Variants in EBF1 observed in about 807,000 individuals in gnomAD.
EBF1 encodes the protein EBF transcription factor 1.
A neutral mutation model predicts 68.4 loss-of-function variants in EBF1; 10 were observed. The ratio of observed to expected loss-of-function variants is 0.15; its 90% CI spans 0.09 to 0.25. EBF1 has a LOEUF of 0.25. Ranked by LOEUF, EBF1 falls within the 10% of genes least tolerant of loss-of-function variation. The pLI is 1.00. For missense variants in EBF1, 509 were observed against 794.4 expected, an observed-to-expected ratio of 0.64 and a Z score of 4.32; for synonymous variants, 298 against 299.8, an observed-to-expected ratio of 0.99 and a Z score of 0.06.
At chr5:159,099,236 A>T in intron 1 of EBF1, 109 bp downstream of exon 1, 1 of 927,112 alleles carries the variant, frequency 1.1e-6, no homozygotes, top group Non-Finnish European at 1.4e-6. Flanking sequence ...CTGCGGACTC[A>T]CCCCGCCGCC....
At chr5:158,722,906 G>C (rs1762237628) in intron 11 of EBF1, among the ~76,000 whole-genome samples, 1 of 152,124 alleles carries the variant, frequency 6.6e-6, no homozygotes, top group South Asian at 2.1e-4. Flanking sequence ...AGGTAGAAAT[G>C]AGTTTGCCTC....
rs373978699 is a variant in EBF1 at position 159,030,580 on chromosome 5, G to A, written c.554+42816C>T. ...AGGGACAACAGGATCCGATCTGAGC[G>A]GAGGGCCAGGTGGGAAAGGCAGCCC... On this transcript the variant is annotated intron_variant, in intron 6 of 15. Transcript: ENST00000313708. Among the ~76,000 whole-genome samples the A allele has an allele frequency of 4.6e-5, 7 of 152,300 alleles. No homozygotes were observed. In the East Asian group the frequency reaches 7.7e-4, roughly 17 times the overall value.
intron 7 of EBF1, among the ~76,000 whole-genome samples, chr5:158,837,793 A>T (rs1169032578): frequency 6.6e-6 from 1 of 151,960 alleles, no homozygotes; most frequent in Non-Finnish European, 1.5e-5. Flanking sequence ...TCCATCCCAA[A>T]CTCTGCTGCC....
rs1191541930 is a variant in EBF1, at chr5:159,068,302, C to T, written c.554+5094G>A. 3.3e-5 allele frequency among the ~76,000 whole-genome samples: 5 copies of T among 151,840 alleles called. No homozygotes were observed. The East Asian group carries it at 9.6e-4, about 29-fold the overall frequency. On this transcript the variant is annotated intron_variant, in intron 6 of 15. Coordinates refer to ENST00000313708, the MANE Select transcript of EBF1 (RefSeq NM_024007.5). The stretch of plus-strand genomic sequence containing the variant: ...GGAAAGCCATTGATTGTTGAAAGGC[C>T]CAGATGCCTTTACAATCCTTGGCAA...
intron 11 of EBF1, among the ~76,000 whole-genome samples, chr5:158,717,392 C>T (rs1417417242): frequency 6.6e-6 from 1 of 152,084 alleles, no homozygotes; most frequent in Non-Finnish European, 1.5e-5. Flanking sequence ...TTCTTAAATT[C>T]TTATTTTTTG....
intron 6 of EBF1, among the ~76,000 whole-genome samples, chr5:159,041,021 A>G (rs1179022804): frequency 6.6e-6 from 1 of 152,230 alleles, no homozygotes; most frequent in African/African-American, 2.4e-5. Flanking sequence ...CTACATATCT[A>G]CAGAGGAACA....
At position 158,708,145 on chromosome 5, in the gene EBF1, G is replaced by A. The variant is rs770452195; in HGVS notation, c.1578C>T (p.Ser526=). ...TGCAGTTGGAGGGGAGGCTTGTGGA[G>A]GAGGCCATGGTGGGGCTGGATGGCA... is the stretch of plus-strand genomic sequence containing the variant. ...AIVPSSPTMA[S]STSLPSNCSS... The change falls in exon 15 of 16, where the codon TCC becomes TCT. Residue 526 remains serine (S), a synonymous_variant. Coordinates refer to ENST00000313708, the MANE Select transcript of EBF1 (RefSeq NM_024007.5). The A allele has an allele frequency of 2.5e-6, 4 of 1,586,744 alleles. No individual in the cohort carries two copies. The highest frequency in any genetic ancestry group is 2.3e-5 in the South Asian group (2 of 86,474).
chr5:159,058,738 A>G lies in EBF1; in HGVS notation c.554+14658T>C, dbSNP rs572327980. ...GTAGAGTTTGGGCTAATTTCTTAGTAATATTCAGCTGCAGCCACTTCCCTT... is the reference window on the plus strand; with the variant it reads ...GTAGAGTTTGGGCTAATTTCTTAGTGATATTCAGCTGCAGCCACTTCCCTT... On this transcript the variant is annotated intron_variant, in intron 6 of 15. Transcript: ENST00000313708. Among the ~76,000 whole-genome samples, 10 of 152,340 alleles carry G rather than the reference A, an allele frequency of 6.6e-5. No homozygotes were observed. In the South Asian group the frequency reaches 1.5e-3, roughly 22 times the overall value.
At chr5:158,801,147 C>A (rs1474071177) in intron 8 of EBF1, among the ~76,000 whole-genome samples, 1 of 151,848 alleles carries the variant, frequency 6.6e-6, no homozygotes, top group Non-Finnish European at 1.5e-5. Context: ...ATGACAATAA[C>A]ATGATTACCC....
intron 6 of EBF1, among the ~76,000 whole-genome samples, chr5:158,978,793 C>CAT (rs1310517569): frequency 6.1e-5 from 6 of 98,344 alleles, no homozygotes; most frequent in African/African-American, 1.8e-4. Flanking sequence ...CACACACACA[C>CAT]ACATACACAC....
chr5:158,774,789 AT>A (rs1774732926), intron 10 of EBF1, among the ~76,000 whole-genome samples: 1 of 152,142 alleles, frequency 6.6e-6, no homozygotes, highest in Admixed American at 6.6e-5. Flanking sequence ...TGGTAGAGGC[AT>A]TTAATGCTAA....
chr5:159,034,733 C>G (rs2127755296), intron 6 of EBF1, among the ~76,000 whole-genome samples: 1 of 152,322 alleles, frequency 6.6e-6, no homozygotes, highest in Admixed American at 6.5e-5. Flanking sequence ...ACCCCTTGCC[C>G]TGCAGATTTC....
chr5:158,922,324 T>C (rs866003288), intron 6 of EBF1, among the ~76,000 whole-genome samples: 7 of 152,186 alleles, frequency 4.6e-5, no homozygotes, highest in African/African-American at 1.4e-4. Flanking sequence ...TGTGCACTTC[T>C]AAGGAAGCTG....
At chr5:158,880,093 T>C (rs931641744) in intron 6 of EBF1, among the ~76,000 whole-genome samples, 1 of 152,238 alleles carries the variant, frequency 6.6e-6, no homozygotes, top group Non-Finnish European at 1.5e-5. Context: ...TTTTGCCTTG[T>C]GCACTTCGCA....
intron 6 of EBF1, chr5:158,983,897 A>AGTGT (rs56099364): frequency 0.086 from 12,018 of 139,962 alleles, 608 homozygotes; most frequent in East Asian, 0.16. Flanking sequence ...CAACTGTAAG[A>AGTGT]GTGTGTGTGT....
At chr5:158,820,066 G>T (rs1303087099) in intron 8 of EBF1, among the ~76,000 whole-genome samples, 1 of 152,018 alleles carries the variant, frequency 6.6e-6, no homozygotes, top group South Asian at 2.1e-4. Flanking sequence ...TACACAGAAA[G>T]GTGAGCCACA....
chr5:158,969,884 GAAA>G (rs1190106169), intron 6 of EBF1, among the ~76,000 whole-genome samples: 18 of 89,822 alleles, frequency 2.0e-4, no homozygotes, highest in African/African-American at 6.6e-4. Flanking sequence ...AAGAAAGAAA[GAAA>G]GAAAGAAAGA....
chr5:158,793,591 A>G (rs1475854897), intron 9 of EBF1, among the ~76,000 whole-genome samples: 2 of 152,154 alleles, frequency 1.3e-5, no homozygotes, highest in Non-Finnish European at 2.9e-5. Context: ...AATATGGTAT[A>G]GTTCAAATCC....
At chr5:158,834,324 C>T (rs1788245052) in intron 7 of EBF1, among the ~76,000 whole-genome samples, 1 of 152,154 alleles carries the variant, frequency 6.6e-6, no homozygotes, top group South Asian at 2.1e-4. Flanking sequence ...ATTGTTTAGT[C>T]ATAAGTGAAT....
Sources: gnomAD v4.1 joint callset for allele counts (sites outside exome capture counted in the v4.1 genomes callset) on GRCh38, gnomAD v4.1.1 for gene constraint, MANE v1.5 for transcripts, NCBI Gene and HGNC (gene_info 2026-07-23, HGNC 2026-07-21) for gene names.